PEBP4: variants seen among roughly 807,000 people sequenced by gnomAD.
PEBP4 encodes phosphatidylethanolamine-binding protein 4.
A neutral mutation model predicts 23.9 loss-of-function variants in PEBP4; 22 were observed. The observed-to-expected ratio is 0.92, with a 90% CI of 0.66 to 1.31. The LOEUF (loss-of-function observed/expected upper bound fraction) is 1.31. PEBP4 is among the 40% of genes most tolerant of loss of function. PEBP4 has a pLI of 0.00. For synonymous variants in PEBP4, 112 were observed against 99.3 expected (o/e 1.13, Z -0.76); for missense variants, 324 against 281.7 (o/e 1.15, Z -1.07).
chr8:22,775,916 C>G lies in PEBP4; in HGVS notation c.357+41721G>C, dbSNP rs1215767872. On this transcript the variant is annotated intron_variant, in intron 4 of 6. Coordinates refer to ENST00000256404, the MANE Select transcript of PEBP4 (RefSeq NM_144962.3). This position sits in a 1 kb window ranked among gnomAD's most constrained non-coding sequence, Gnocchi z 4.8. ...CCGGCAGTGAGCTTCTCTGGGCCAT[C>G]TGTCCCTACCAGGGATGGCCAGGGT... is the stretch of plus-strand genomic sequence containing the variant. Among the ~76,000 whole-genome samples the G allele has an allele frequency of 1.3e-5, 2 of 152,124 alleles. No individual in the cohort carries two copies. The highest frequency in any genetic ancestry group is 2.9e-5 in the Non-Finnish European group (2 of 68,014).
At chr8:22,847,069 AC>A (rs1807452864) in intron 3 of PEBP4, among the ~76,000 whole-genome samples, 2 of 152,126 alleles carry the variant, frequency 1.3e-5, no homozygotes, top group African/African-American at 4.8e-5. Context: ...CACTTCCATC[AC>A]TGTGAATGAT....
chr8:22,755,751 C>G (rs1412358474), intron 4 of PEBP4: 3 of 152,160 alleles, frequency 2.0e-5, no homozygotes, highest in Admixed American at 6.5e-5. Flanking sequence ...GTAAGTACAT[C>G]AGCAAGCAAA....
At chr8:22,759,393 G>A (rs1250802403) in intron 4 of PEBP4, among the ~76,000 whole-genome samples, 3 of 151,340 alleles carry the variant, frequency 2.0e-5, no homozygotes, top group African/African-American at 4.9e-5. Flanking sequence ...ACTGGAGTAA[G>A]CTCTCCCCAT....
chr8:22,880,784 G>A (rs1808236857), intron 3 of PEBP4, among the ~76,000 whole-genome samples: 1 of 152,206 alleles, frequency 6.6e-6, no homozygotes, highest in African/African-American at 2.4e-5. Flanking sequence ...GACCCACTGG[G>A]GCTCTGGCAG....
chr8:22,760,161 AACC>A (rs1805477756), intron 4 of PEBP4, among the ~76,000 whole-genome samples: 2 of 152,112 alleles, frequency 1.3e-5, no homozygotes, highest in Non-Finnish European at 2.9e-5. Flanking sequence ...AATACTTACA[AACC>A]TATGGGGTGG....
intron 2 of PEBP4, among the ~76,000 whole-genome samples, chr8:22,924,038 G>A (rs535798698): frequency 3.5e-4 from 53 of 152,282 alleles, no homozygotes; most frequent in African/African-American, 1.2e-3. Flanking sequence ...TCGAAGAGGG[G>A]GCTCACTGTG....
chr8:22,796,507 G>A (rs116605257), intron 4 of PEBP4, among the ~76,000 whole-genome samples: 119 of 152,208 alleles, frequency 7.8e-4, no homozygotes, highest in African/African-American at 2.6e-3. Context: ...GCCTTCCTCC[G>A]GGCAGCCCTC....
chr8:22,727,162 G>A lies in PEBP4; in HGVS notation c.403+13C>T. The A allele has an allele frequency of 1.2e-5, 20 of 1,613,814 alleles. No homozygotes were observed. Among genetic ancestry groups the A allele is most frequent in the Non-Finnish European group, 1.5e-5 (18 of 1,179,882 alleles). ...CCCTGGCTGGGGGAAGGGGTCCCTA[G>A]GGTCTTACTCACCTGATAACTCCTG... On this transcript the variant is annotated intron_variant, in intron 5 of 6. Coordinates refer to ENST00000256404, the MANE Select transcript of PEBP4 (RefSeq NM_144962.3).
Position 22,795,163 on chromosome 8 carries a change from A to T in PEBP4, c.357+22474T>A, listed in dbSNP as rs539641940. Among the ~76,000 whole-genome samples, 342 of 47,312 alleles carry T rather than the reference A, an allele frequency of 7.2e-3. 4 individuals carry two copies. Among genetic ancestry groups the T allele is most frequent in the East Asian group, 0.012 (11 of 932 alleles). The allele number at this position is 47,312 out of a possible 152,430, so 31.0% of individuals were successfully genotyped here. ...TGTGTGTATATATATATATATATAT[A>T]TTTTTTTTTTTTTTTTTTTTTTTTT... is the stretch of plus-strand genomic sequence containing the variant. On this transcript the variant is annotated intron_variant, in intron 4 of 6. Transcript: ENST00000256404.
chr8:22,756,369 G>T (rs892150202), intron 4 of PEBP4, among the ~76,000 whole-genome samples: 6 of 152,242 alleles, frequency 3.9e-5, no homozygotes, highest in African/African-American at 2.4e-5. Context: ...AGAGCTAACA[G>T]TGAGCGAGGG....
intron 3 of PEBP4, among the ~76,000 whole-genome samples, chr8:22,915,854 G>A (rs1328370001): frequency 6.6e-6 from 1 of 152,204 alleles, no homozygotes. Flanking sequence ...TCTGCTCTGT[G>A]TATACAGAGA....
chr8:22,768,641 A>G lies in PEBP4; in HGVS notation c.358-41421T>C, dbSNP rs376652086. On this transcript the variant is annotated intron_variant, in intron 4 of 6. Transcript: ENST00000256404. ...CGGGTGGGGCCTCGGCCCAGTCAAT[A>G]CGGAGCCTTTTGAGGCAATGGTTCA... is the stretch of plus-strand genomic sequence containing the variant. 5.3e-5 allele frequency among the ~76,000 whole-genome samples: 8 copies of G among 151,352 alleles called. No individual in the cohort carries two copies. In the East Asian group the frequency reaches 1.6e-3, roughly 30 times the overall value.
At chr8:22,791,776 A>C (rs1484006186) in intron 4 of PEBP4, among the ~76,000 whole-genome samples, 1 of 152,232 alleles carries the variant, frequency 6.6e-6, no homozygotes, top group African/African-American at 2.4e-5. Flanking sequence ...TCTTCATTAA[A>C]CACTGTCCTA....
intron 3 of PEBP4, among the ~76,000 whole-genome samples, chr8:22,862,070 G>A (rs1413382786): frequency 6.6e-6 from 1 of 152,110 alleles, no homozygotes; most frequent in Non-Finnish European, 1.5e-5. Context: ...GAGTATTGAT[G>A]GGGAGAAGAG....
chr8:22,792,728 G>A (rs73553838), intron 4 of PEBP4, among the ~76,000 whole-genome samples: 4,254 of 152,152 alleles, frequency 0.028, 202 homozygotes, highest in African/African-American at 0.097. Flanking sequence ...CCCTGCCCAT[G>A]GGAGCTGTTG....
intron 1 of PEBP4, among the ~76,000 whole-genome samples, chr8:22,940,613 C>T (rs1206937288): frequency 6.6e-6 from 1 of 151,080 alleles, no homozygotes; most frequent in African/African-American, 2.4e-5. Context: ...ATCAGCCTCC[C>T]GAGCAGCTGG....
At chr8:22,801,384 C>T (rs1340846816) in intron 4 of PEBP4, among the ~76,000 whole-genome samples, 2 of 152,128 alleles carry the variant, frequency 1.3e-5, no homozygotes, top group Admixed American at 6.5e-5. Flanking sequence ...TGTCAGTATC[C>T]CTGTACCTAC....
intron 3 of PEBP4, among the ~76,000 whole-genome samples, chr8:22,864,716 A>G (rs1385864732): frequency 6.6e-6 from 1 of 152,258 alleles, no homozygotes; most frequent in Non-Finnish European, 1.5e-5. Flanking sequence ...AGAGTTGTGT[A>G]GCACCTTCTC....
At chr8:22,781,257 C>T (rs35560447) in intron 4 of PEBP4, among the ~76,000 whole-genome samples, 3,498 of 152,188 alleles carry the variant, frequency 0.023, 47 homozygotes, top group Middle Eastern at 0.061. Context: ...GGGCCGGCCC[C>T]GCCTTGCAGT....
Sources: gnomAD v4.1 joint callset for allele counts (sites outside exome capture counted in the v4.1 genomes callset) on GRCh38, gnomAD v4.1.1 for gene constraint, Gnocchi (gnomAD v3.1) non-coding constraint, MANE v1.5 for transcripts, NCBI Gene and HGNC (gene_info 2026-07-23, HGNC 2026-07-21) for gene names.